The following NUDT13 variants were observed in gnomAD, a reference collection of about 807,000 sequenced individuals.
NUDT13 encodes NAD(P)H pyrophosphatase NUDT13, mitochondrial.
Under a neutral mutation model 41.7 loss-of-function variants are expected in NUDT13, and 40 were observed. That is an observed-to-expected ratio of 0.96 (90% CI 0.75 to 1.25). The LOEUF (loss-of-function observed/expected upper bound fraction) is 1.25, where lower values mean the gene tolerates loss of function less well. Among genes scored for constraint, NUDT13 ranks in the 50% most tolerant of loss-of-function variants. The pLI is 0.00. For synonymous variants in NUDT13, 145 were observed against 155.5 expected, an observed-to-expected ratio of 0.93 and a Z score of 0.50; for missense variants, 390 against 416.1, an observed-to-expected ratio of 0.94 and a Z score of 0.55.
chr10:73,115,126 T>G (rs1485733360), intron 2 of NUDT13: 3 of 152,172 alleles, frequency 2.0e-5, no homozygotes, highest in African/African-American at 7.2e-5. Context: ...ATCTCTTCAT[T>G]TGTATCCTTC....
At chr10:73,128,498 A>G (rs1047063661) in intron 8 of NUDT13, among the ~76,000 whole-genome samples, 1 of 152,338 alleles carries the variant, frequency 6.6e-6, no homozygotes, top group Middle Eastern at 3.4e-3. Flanking sequence ...AGTGATGTTG[A>G]GCACCTTTTC....
At position 73,120,133 on chromosome 10, in the gene NUDT13, C is replaced by A; in HGVS notation, c.199C>A (p.Leu67Met). The A allele has an allele frequency of 6.2e-7, 1 of 1,614,198 alleles. No homozygotes were observed. The highest frequency in any genetic ancestry group is 8.5e-7 in the Non-Finnish European group (1 of 1,180,030). The change falls in exon 3 of 9, where the codon CTG becomes ATG. Residue 67 changes from leucine (L) to methionine (M), a missense_variant. Coordinates refer to ENST00000357321, the MANE Select transcript of NUDT13 (RefSeq NM_015901.6). Reference protein sequence around the residue: ...PLLQTSAHQYLAPRHSLLELE... With the variant: ...PLLQTSAHQYMAPRHSLLELE... ...GCTTCAGACTTCAGCACATCAATAC[C>A]TGGCCCCCCGGCACAGCCTGTTAGG...
intron 3 of NUDT13, among the ~76,000 whole-genome samples, chr10:73,121,168 G>T (rs1842638197): frequency 6.6e-6 from 1 of 152,132 alleles, no homozygotes; most frequent in Admixed American, 6.5e-5. Flanking sequence ...GAGCCCAGGA[G>T]TTCAAAACCA....
chr10:73,124,902 A>T (rs1300366372), intron 5 of NUDT13: 12 of 478,204 alleles, frequency 2.5e-5, no homozygotes, highest in South Asian at 8.5e-5. Flanking sequence ...TAATACATTT[A>T]AAAATATGCT....
chr10:73,114,538 T>A (rs1292271427), intron 2 of NUDT13, 90 bp downstream of exon 2: 2 of 449,966 alleles, frequency 4.4e-6, no homozygotes, highest in African/African-American at 4.1e-5. Flanking sequence ...TTTAGGTTTA[T>A]GATTATTATA....
chr10:73,121,929 A>C (rs1217442596), intron 3 of NUDT13, among the ~76,000 whole-genome samples: 2 of 152,206 alleles, frequency 1.3e-5, no homozygotes, highest in Non-Finnish European at 2.9e-5. Context: ...ATACAGTCAT[A>C]GAGTAATACA....
rs754288651 is a variant in NUDT13, at chr10:73,130,487, TACAC to T, written c.859-200_859-197del. On this transcript the variant is annotated intron_variant, in intron 8 of 8. Coordinates refer to ENST00000357321, the MANE Select transcript of NUDT13 (RefSeq NM_015901.6). ...AAAAAAAAAAAAATATATATATATA[TACAC>T]ACACACACACACACATATAAAACTC... 102 of 286,604 alleles carry T rather than the reference TACAC, an allele frequency of 3.6e-4. 1 individual carries two copies. Among genetic ancestry groups the T allele is most frequent in the South Asian group, 1.1e-3 (26 of 23,898 alleles). The allele number at this position is 286,604 out of a possible 1,614,324, so 17.8% of individuals were successfully genotyped here. A position where few individuals can be genotyped will look rare whatever the true frequency, so the allele number is the denominator to read the frequency against.
intron 1 of NUDT13, among the ~76,000 whole-genome samples, chr10:73,113,783 C>T (rs1011848550): frequency 2.6e-5 from 4 of 152,134 alleles, no homozygotes; most frequent in African/African-American, 4.8e-5. Context: ...AGATGTTCCT[C>T]GGTCATTTAG....
chr10:73,124,383 G>GGATT, intron 5 of NUDT13, 63 bp downstream of exon 5: 4 of 1,081,312 alleles, frequency 3.7e-6, no homozygotes, highest in South Asian at 1.3e-5. Context: ...GCAAATCCAT[G>GGATT]TGTACACACA....
intron 3 of NUDT13, 42 bp from the exon 4 acceptor site, chr10:73,122,133 C>T (rs1467146419): frequency 3.1e-6 from 5 of 1,595,972 alleles, no homozygotes; most frequent in Non-Finnish European, 4.3e-6. Context: ...TAATAGAAAC[C>T]CTTGTGTTTT....
intron 4 of NUDT13, among the ~76,000 whole-genome samples, chr10:73,123,478 G>A (rs186105264): frequency 9.7e-4 from 147 of 152,194 alleles, no homozygotes; most frequent in African/African-American, 3.4e-3. Context: ...TAATGCAAAT[G>A]TTCTTGCCCC....
intron 2 of NUDT13, chr10:73,114,988 T>TA (rs1023488609): frequency 5.3e-5 from 8 of 151,978 alleles, no homozygotes; most frequent in African/African-American, 1.7e-4. Context: ...GAAGCCACCA[T>TA]AAAAACCCAA....
At chr10:73,114,581 GTA>G (rs1476415477) in intron 2 of NUDT13, 133 bp downstream of exon 2, 168 of 266,214 alleles carry the variant, frequency 6.3e-4, no homozygotes, top group African/African-American at 1.7e-3. Context: ...TTGTGTGTGT[GTA>G]TATGTGTGTG....
intron 3 of NUDT13, among the ~76,000 whole-genome samples, chr10:73,121,599 C>G (rs1842647355): frequency 6.6e-6 from 1 of 152,190 alleles, no homozygotes; most frequent in Non-Finnish European, 1.5e-5. Context: ...GTAGCACATT[C>G]TGGAGGTTAA....
chr10:73,126,878 C>A, intron 8 of NUDT13, 51 bp downstream of exon 8: 1 of 1,502,322 alleles, frequency 6.7e-7, no homozygotes. Flanking sequence ...CTTCATCCAA[C>A]CTGCTCATCA....
At chr10:73,122,347 T>C (rs1328338705) in intron 4 of NUDT13, 38 bp downstream of exon 4, 3 of 1,545,478 alleles carry the variant, frequency 1.9e-6, no homozygotes, top group South Asian at 1.2e-5. Flanking sequence ...TTCCCAGTGG[T>C]CTTCAGAATT....
Position 73,131,283 on chromosome 10 carries a change from T to G in NUDT13, c.*380T>G, listed in dbSNP as rs1842913177. Reference sequence around the variant, plus strand: ...TGCCAAAATGTGCCTGTTGTAAGTTTGGTTAAAACTTTTATCTTAGTATTG... The same window carrying G: ...TGCCAAAATGTGCCTGTTGTAAGTTGGGTTAAAACTTTTATCTTAGTATTG... On this transcript the variant is annotated 3_prime_UTR_variant, in exon 9 of 9. Transcript: ENST00000357321. 2 of 193,816 alleles carry G rather than the reference T, an allele frequency of 1.0e-5. No individual in the cohort carries two copies. Among genetic ancestry groups the G allele is most frequent in the East Asian group, 2.2e-4 (2 of 9,000 alleles). 12.0% of individuals were successfully genotyped at this position (193,816 alleles called of 1,614,324 possible).
chr10:73,116,680 T>C (rs942061416), intron 2 of NUDT13, among the ~76,000 whole-genome samples: 2 of 151,724 alleles, frequency 1.3e-5, no homozygotes, highest in African/African-American at 4.8e-5. Flanking sequence ...AGGTGGAAGT[T>C]GCAATAAGCC....
At chr10:73,125,576 T>C (rs1405145707) in intron 7 of NUDT13, 67 bp downstream of exon 7, 2 of 1,077,384 alleles carry the variant, frequency 1.9e-6, no homozygotes, top group East Asian at 5.3e-5. Context: ...CAATCTTCTC[T>C]GTCTTGTTGC....
Sources: gnomAD v4.1 joint callset for allele counts (sites outside exome capture counted in the v4.1 genomes callset) on GRCh38, gnomAD v4.1.1 for gene constraint, MANE v1.5 for transcripts, NCBI Gene and HGNC (gene_info 2026-07-23, HGNC 2026-07-21) for gene names.